SDK2: variants seen among roughly 807,000 people sequenced by gnomAD.
SDK2 encodes sidekick cell adhesion molecule 2.
Under a neutral mutation model 253.9 loss-of-function variants are expected in SDK2, and 105 were observed. That is an observed-to-expected ratio of 0.41 (90% CI 0.35 to 0.49). SDK2 has a LOEUF of 0.49. Ranked by LOEUF, SDK2 falls within the 20% of genes least tolerant of loss-of-function variation. The pLI is 0.06. For missense variants in SDK2, 2,608 were observed against 3,003.0 expected (o/e 0.87, Z 3.07); for synonymous variants, 1,249 against 1,234.9 (o/e 1.01, Z -0.24).
At chr17:73,375,858 GAAAA>G (rs1211045111) in intron 36 of SDK2, among the ~76,000 whole-genome samples, 2 of 113,616 alleles carry the variant, frequency 1.8e-5, no homozygotes, top group African/African-American at 3.1e-5. Flanking sequence ...TCCATCTCAG[GAAAA>G]AAAAGAAAGA....
chr17:73,388,457 C>T (rs1298241572), intron 29 of SDK2, among the ~76,000 whole-genome samples: 1 of 152,212 alleles, frequency 6.6e-6, no homozygotes, highest in Non-Finnish European at 1.5e-5. Flanking sequence ...GCTTCCTTCT[C>T]TCCCCAGCCT....
At position 73,569,991 on chromosome 17, in the gene SDK2, G is replaced by A. The variant is rs370759714; in HGVS notation, c.65-62394C>T. 4.6e-5 allele frequency among the ~76,000 whole-genome samples: 7 copies of A among 152,098 alleles called. No individual in the cohort carries two copies. In the East Asian group the frequency reaches 7.7e-4, roughly 17 times the overall value. ...TACGGGAGGCTGCAGCCATGGACAC[G>A]GGACACTTACTCTGGGTGAAGGATG... is the stretch of plus-strand genomic sequence containing the variant. On this transcript the variant is annotated intron_variant, in intron 1 of 44. Coordinates refer to ENST00000392650, the MANE Select transcript of SDK2 (RefSeq NM_001144952.2).
intron 1 of SDK2, among the ~76,000 whole-genome samples, chr17:73,530,725 C>T (rs2064163299): frequency 6.6e-6 from 1 of 152,174 alleles, no homozygotes; most frequent in South Asian, 2.1e-4. Context: ...ATTCTCCAAC[C>T]TTCTCCCCAT....
intron 1 of SDK2, among the ~76,000 whole-genome samples, chr17:73,597,979 T>C (rs949552047): frequency 6.6e-6 from 1 of 152,090 alleles, no homozygotes; most frequent in African/African-American, 2.4e-5. Context: ...CAAGGTGAAA[T>C]ATTCCCTTTC....
chr17:73,624,271 G>C (rs1209423416), intron 1 of SDK2, among the ~76,000 whole-genome samples: 1 of 152,234 alleles, frequency 6.6e-6, no homozygotes, highest in African/African-American at 2.4e-5. Context: ...AGGCAGGCAG[G>C]TTGCCTGAAC....
intron 1 of SDK2, among the ~76,000 whole-genome samples, chr17:73,571,472 A>G (rs1342838561): frequency 6.6e-6 from 1 of 152,188 alleles, no homozygotes; most frequent in Non-Finnish European, 1.5e-5. Flanking sequence ...TGGCCCACCC[A>G]GGCCCAACCC....
At chr17:73,610,263 T>C (rs1372946832) in intron 1 of SDK2, among the ~76,000 whole-genome samples, 1 of 152,152 alleles carries the variant, frequency 6.6e-6, no homozygotes, top group East Asian at 1.9e-4. Context: ...TTTCATCAGC[T>C]CTTCGAAGGG....
At chr17:73,364,784 G>C (rs1166870969) in intron 38 of SDK2, among the ~76,000 whole-genome samples, 1 of 152,072 alleles carries the variant, frequency 6.6e-6, no homozygotes, top group East Asian at 1.9e-4. Flanking sequence ...ACCACACCCG[G>C]CTAATTTTTG....
At chr17:73,543,694 G>A (rs1408366426) in intron 1 of SDK2, among the ~76,000 whole-genome samples, 1 of 152,232 alleles carries the variant, frequency 6.6e-6, no homozygotes, top group Non-Finnish European at 1.5e-5. Context: ...GGGGGATAGG[G>A]GCAGGCCAGC....
At chr17:73,463,356 G>T (rs1254082843) in intron 3 of SDK2, among the ~76,000 whole-genome samples, 1 of 152,110 alleles carries the variant, frequency 6.6e-6, no homozygotes, top group African/African-American at 2.4e-5. Flanking sequence ...TATATTTCTT[G>T]CTTTTATGTG....
chr17:73,471,391 A>G (rs2063649628), intron 3 of SDK2, among the ~76,000 whole-genome samples: 2 of 152,178 alleles, frequency 1.3e-5, no homozygotes. Context: ...TGAGGTCAGG[A>G]GTTGGAGACC....
rs895544016 is a variant in SDK2, at chr17:73,386,370, C to G, written c.4498+75G>C. On this transcript the variant is annotated intron_variant, in intron 31 of 44. Transcript: ENST00000392650. ...TCTCTCATCTTTGGAGGCCCCTCCC[C>G]CCGTAAGAAAATGCCCCATGCCCAG... 3.5e-5 allele frequency: 37 copies of G among 1,069,064 alleles called. No homozygotes were observed. In the African/African-American group the frequency reaches 4.9e-4, roughly 14 times the overall value. 66.2% of individuals were successfully genotyped at this position (1,069,064 alleles called of 1,614,324 possible).
chr17:73,464,924 C>T (rs1287233704), intron 3 of SDK2, among the ~76,000 whole-genome samples: 4 of 152,146 alleles, frequency 2.6e-5, no homozygotes, highest in Non-Finnish European at 5.9e-5. Context: ...CTACTTTCTT[C>T]GAGGGCAGAG....
At chr17:73,458,047 T>C (rs1402753825) in intron 3 of SDK2, among the ~76,000 whole-genome samples, 1 of 152,188 alleles carries the variant, frequency 6.6e-6, no homozygotes, top group Non-Finnish European at 1.5e-5. Context: ...GGAGTGATCA[T>C]GGCTCACTGC....
chr17:73,440,725 G>T, intron 6 of SDK2, 87 bp downstream of exon 6: 1 of 920,894 alleles, frequency 1.1e-6, no homozygotes, highest in Non-Finnish European at 1.7e-6. Context: ...AGGTGATGTG[G>T]CTTCTGGCTG....
At chr17:73,531,223 G>C (rs2064166651) in intron 1 of SDK2, among the ~76,000 whole-genome samples, 1 of 152,210 alleles carries the variant, frequency 6.6e-6, no homozygotes, top group Non-Finnish European at 1.5e-5. Context: ...TAAGTCAACT[G>C]TATTTTGATG....
intron 1 of SDK2, among the ~76,000 whole-genome samples, chr17:73,582,984 G>A (rs1369360302): frequency 2.6e-5 from 4 of 152,100 alleles, no homozygotes; most frequent in Non-Finnish European, 5.9e-5. Flanking sequence ...GCCTGCCCCA[G>A]GGCCTTTACA....
intron 1 of SDK2, among the ~76,000 whole-genome samples, chr17:73,539,396 C>A (rs2044829443): frequency 6.6e-6 from 1 of 151,976 alleles, no homozygotes; most frequent in Non-Finnish European, 1.5e-5. Context: ...AGATTAAACA[C>A]CCAGCTGTAC....
Position 73,368,419 on chromosome 17 carries a change from T to G in SDK2, c.5155A>C (p.Thr1719Pro). The part of the protein sequence containing the change: ...GPRSTPTQGQ[T>P]QQAAPSAPSS... ...CCCCCTCTCCCACCTGCTTGCTGGG[T>G]CTGGCCTTGGGTGGGGGTGCTCCGA... The change falls in exon 37 of 45, where the codon ACC becomes CCC. Residue 1719 changes from threonine (T) to proline (P), a missense_variant. Around this residue, in one of 2 missense-constraint regions of SDK2, gnomAD observed 1,103 missense variants for 1,143.9 expected, o/e 0.96. Transcript: ENST00000392650. 1 of 1,561,974 alleles carries G rather than the reference T, an allele frequency of 6.4e-7. No homozygotes were observed.
Sources: allele counts gnomAD v4.1 joint callset (sites outside exome capture counted in the v4.1 genomes callset), GRCh38; gene constraint gnomAD v4.1.1; regional missense constraint gnomAD v4.1.1; transcripts MANE v1.5; gene names NCBI Gene and HGNC (gene_info 2026-07-23, HGNC 2026-07-21).